The following MCPH1 variants were observed in gnomAD, a reference collection of about 807,000 sequenced individuals.
The protein encoded by MCPH1 is microcephalin 1.
Under a neutral mutation model 84.5 loss-of-function variants are expected in MCPH1, and 104 were observed. The observed-to-expected ratio is 1.23, with a 90% CI of 1.05 to 1.45. MCPH1 has a LOEUF of 1.45. MCPH1 is among the 40% of genes most tolerant of loss of function. The pLI is 0.00. For missense variants in MCPH1, 1,498 were observed against 1,005.7 expected, an observed-to-expected ratio of 1.49 and a Z score of -6.62; for synonymous variants, 514 against 366.8, an observed-to-expected ratio of 1.40 and a Z score of -4.58.
Position 6,474,196 on chromosome 8 carries a change from A to T in MCPH1, c.1936-3398A>T, listed in dbSNP as rs150830511. ...CATCAGCTACTCTGTCTTCATCTAA[A>T]ATGGGACAATTATACTCTTCATCAT... is the stretch of plus-strand genomic sequence containing the variant. On this transcript the variant is annotated intron_variant, in intron 9 of 13. Coordinates refer to ENST00000344683, the MANE Select transcript of MCPH1 (RefSeq NM_024596.5). 7.9e-4 allele frequency: 563 copies of T among 709,922 alleles called. 4 individuals are homozygous for T. In the African/African-American group the frequency reaches 7.9e-3, roughly 10 times the overall value. 44.0% of individuals were successfully genotyped at this position (709,922 alleles called of 1,614,324 possible). A position where few individuals can be genotyped will look rare whatever the true frequency, so the allele number is the denominator to read the frequency against.
chr8:6,586,951 G>C (rs1828034164), intron 12 of MCPH1, among the ~76,000 whole-genome samples: 1 of 152,152 alleles, frequency 6.6e-6, no homozygotes, highest in Non-Finnish European at 1.5e-5. Flanking sequence ...ACAGAGTGCA[G>C]GCTGTGGGAG....
At position 6,423,931 on chromosome 8, in the gene MCPH1, C is replaced by G. The variant is rs187609190; in HGVS notation, c.234-7568C>G. ...TTGCATTTCTCTGACTTTTAGTGAGCTTGAATTTTCTTCAGCAGAGCATAG... is the reference window on the plus strand; with the variant it reads ...TTGCATTTCTCTGACTTTTAGTGAGGTTGAATTTTCTTCAGCAGAGCATAG... On this transcript the variant is annotated intron_variant, in intron 3 of 13. Transcript: ENST00000344683. 4.2e-3 allele frequency among the ~76,000 whole-genome samples: 644 copies of G among 152,204 alleles called. 3 individuals carry two copies. Among genetic ancestry groups the G allele is most frequent in the Middle Eastern group, 0.01 (3 of 294 alleles).
chr8:6,419,908 C>G (rs188636286), intron 3 of MCPH1, among the ~76,000 whole-genome samples: 1 of 148,900 alleles, frequency 6.7e-6, no homozygotes, highest in East Asian at 1.9e-4. Flanking sequence ...TTTGCTTTTT[C>G]TTTGTTTTTT....
intron 9 of MCPH1, among the ~76,000 whole-genome samples, chr8:6,456,829 C>T (rs1805730636): frequency 6.6e-6 from 1 of 152,100 alleles, no homozygotes; most frequent in Non-Finnish European, 1.5e-5. Context: ...CCTGGGATAG[C>T]CCTGAATCTG....
At chr8:6,521,099 G>T in intron 12 of MCPH1, 2 of 1,129,750 alleles carry the variant, frequency 1.8e-6, no homozygotes, top group Non-Finnish European at 1.3e-6. Flanking sequence ...TTTCTGAAAG[G>T]TGAGAATTTT....
At chr8:6,497,488 G>T (rs1207549509) in intron 11 of MCPH1, among the ~76,000 whole-genome samples, 1 of 152,020 alleles carries the variant, frequency 6.6e-6, no homozygotes, top group Admixed American at 6.6e-5. Flanking sequence ...GGCGACAGAG[G>T]AAGACTGTCT....
At chr8:6,568,232 CGCGTGG>C (rs1563140011) in intron 12 of MCPH1, among the ~76,000 whole-genome samples, 4 of 148,332 alleles carry the variant, frequency 2.7e-5, no homozygotes, top group African/African-American at 1.1e-4. Context: ...AAGTGGGTGG[CGCGTGG>C]ACCCATCGCT....
intron 6 of MCPH1, among the ~76,000 whole-genome samples, chr8:6,439,663 C>T (rs1037144757): frequency 6.6e-6 from 1 of 152,102 alleles, no homozygotes; most frequent in Non-Finnish European, 1.5e-5. Context: ...TCCCAAACGG[C>T]TGGGACTGTA....
intron 8 of MCPH1, chr8:6,447,164 A>G: frequency 1.0e-6 from 1 of 985,434 alleles, no homozygotes; most frequent in Non-Finnish European, 1.2e-6. Context: ...GCCTAAATCG[A>G]ACCCTTTTAT....
chr8:6,449,906 G>A (rs926247150), intron 8 of MCPH1, among the ~76,000 whole-genome samples: 1 of 152,200 alleles, frequency 6.6e-6, no homozygotes, highest in Non-Finnish European at 1.5e-5. Context: ...TGGTCATCCT[G>A]AACTAGTGCA....
At chr8:6,549,790 G>A (rs1261329894) in intron 12 of MCPH1, among the ~76,000 whole-genome samples, 1 of 151,976 alleles carries the variant, frequency 6.6e-6, no homozygotes, top group Admixed American at 6.6e-5. Flanking sequence ...TGAGCTGGGT[G>A]GTCATTGCAC....
intron 12 of MCPH1, chr8:6,621,045 C>T (rs541949723): frequency 1.4e-4 from 42 of 302,216 alleles, no homozygotes; most frequent in African/African-American, 6.4e-4. Context: ...GATTGAATGA[C>T]GCTCTCCCAG....
At chr8:6,522,199 C>CA (rs1292610737) in intron 12 of MCPH1, among the ~76,000 whole-genome samples, 6 of 151,870 alleles carry the variant, frequency 4.0e-5, no homozygotes, top group African/African-American at 9.7e-5. Context: ...ACTAAAAATA[C>CA]AAAAAATTCT....
intron 1 of MCPH1, among the ~76,000 whole-genome samples, chr8:6,406,931 C>T (rs1486142925): frequency 8.4e-6 from 1 of 119,346 alleles, no homozygotes; most frequent in African/African-American, 3.3e-5. Context: ...CTTCGTCTCC[C>T]GTGCTCCCTG....
At chr8:6,636,663 G>C (rs927743033) in intron 13 of MCPH1, among the ~76,000 whole-genome samples, 1 of 152,136 alleles carries the variant, frequency 6.6e-6, no homozygotes, top group Admixed American at 6.5e-5. Flanking sequence ...TCTATGCACA[G>C]AACTATTTAA....
At chr8:6,549,152 A>T (rs1207498742) in intron 12 of MCPH1, among the ~76,000 whole-genome samples, 2 of 152,222 alleles carry the variant, frequency 1.3e-5, no homozygotes, top group Non-Finnish European at 2.9e-5. Context: ...GTACAAGAAA[A>T]ATGATACATG....
Position 6,445,419 on chromosome 8 carries a change from C to T in MCPH1, c.1697C>T (p.Thr566Ile), listed in dbSNP as rs1219121446. ...VGLKSTQNKG[T>I]TSKISNSSEG... ...CTGAAAAGCACACAGAACAAAGGTA[C>T]CACTTCCAAAATATCAAACTCCTCT... The change falls in exon 8 of 14, where the codon ACC becomes ATC. Residue 566 changes from threonine to isoleucine, a missense_variant. Thr to Ile is a moderately conservative substitution (Grantham distance 89). Transcript: ENST00000344683. 6.2e-7 allele frequency: 1 copy of T among 1,614,094 alleles called. No homozygotes were observed. The highest frequency in any genetic ancestry group is 8.5e-7 in the Non-Finnish European group (1 of 1,180,058).
intron 12 of MCPH1, among the ~76,000 whole-genome samples, chr8:6,509,216 T>C (rs181685313): frequency 8.6e-4 from 131 of 152,344 alleles, no homozygotes; most frequent in African/African-American, 3.1e-3. Flanking sequence ...TTTGCACTGG[T>C]ATAAACAGGA....
intron 4 of MCPH1, among the ~76,000 whole-genome samples, chr8:6,432,675 T>A (rs924941401): frequency 1.3e-5 from 2 of 152,222 alleles, no homozygotes. Context: ...AGAGGAGAAA[T>A]AACTGTGAAT....
Sources: gnomAD v4.1 joint callset for allele counts (sites outside exome capture counted in the v4.1 genomes callset) on GRCh38, gnomAD v4.1.1 for gene constraint, MANE v1.5 for transcripts, NCBI Gene and HGNC (gene_info 2026-07-23, HGNC 2026-07-21) for gene names.